VPS13D: variants seen among roughly 807,000 people sequenced by gnomAD.
VPS13D encodes intermembrane lipid transfer protein VPS13D.
A neutral mutation model predicts 461.9 loss-of-function variants in VPS13D; 187 were observed. The observed-to-expected ratio is 0.40, with a 90% CI of 0.36 to 0.46. The LOEUF (loss-of-function observed/expected upper bound fraction) is 0.46. Ranked by LOEUF, VPS13D falls within the 20% of genes least tolerant of loss-of-function variation. The pLI is 0.60. For missense variants in VPS13D, 4,711 were observed against 5,364.9 expected, an observed-to-expected ratio of 0.88 and a Z score of 3.81; for synonymous variants, 1,951 against 1,986.3, an observed-to-expected ratio of 0.98 and a Z score of 0.47.
intron 50 of VPS13D, among the ~76,000 whole-genome samples, chr1:12,361,766 G>A (rs1485685557): frequency 1.3e-5 from 2 of 152,072 alleles, no homozygotes; most frequent in Non-Finnish European, 2.9e-5. Flanking sequence ...ATTTGGAACC[G>A]GCTGTCTTGA....
At chr1:12,280,820 C>G (rs1641755137) in intron 20 of VPS13D, among the ~76,000 whole-genome samples, 1 of 151,998 alleles carries the variant, frequency 6.6e-6, no homozygotes, top group Non-Finnish European at 1.5e-5. Context: ...TTACCATTGA[C>G]TTAACTGTTG....
intron 26 of VPS13D, among the ~76,000 whole-genome samples, chr1:12,307,124 C>T (rs1642588305): frequency 6.6e-6 from 1 of 152,062 alleles, no homozygotes; most frequent in African/African-American, 2.4e-5. Context: ...TTTCAGTGCC[C>T]ACGTAATGCC....
chr1:12,373,764 C>A lies in VPS13D; in HGVS notation c.10823C>A (p.Thr3608Lys), dbSNP rs1570034686. 1 of 1,512,120 alleles carries A rather than the reference C, an allele frequency of 6.6e-7. No homozygotes were observed. 93.7% of individuals were successfully genotyped at this position (1,512,120 alleles called of 1,614,324 possible). ...TYTFSGLQEG[T>K]GRPVASNKAI... ...TTAAATTCTAGCTTGCAGGAGGGAACAGGCAGGCCTGTGGCTTCCAACAAG... is the reference window on the plus strand; with the variant it reads ...TTAAATTCTAGCTTGCAGGAGGGAAAAGGCAGGCCTGTGGCTTCCAACAAG... The change falls in exon 55 of 70, where the codon ACA becomes AAA. Residue 3608 changes from threonine to lysine, a missense_variant. Thr to Lys is a moderately conservative substitution (Grantham distance 78). This residue lies in a region of VPS13D where 4,411 missense variants were observed against 4,937.8 expected (regional missense o/e 0.89). Coordinates refer to ENST00000620676, the MANE Select transcript of VPS13D (RefSeq NM_015378.4).
intron 21 of VPS13D, among the ~76,000 whole-genome samples, chr1:12,284,042 G>A (rs953369023): frequency 1.3e-5 from 2 of 152,148 alleles, no homozygotes; most frequent in African/African-American, 4.8e-5. Context: ...CATCTAAGAT[G>A]ACTAAATGAG....
In VPS13D at chr1:12,279,743, T is replaced by G; in HGVS notation, c.4602+93T>G. 2.7e-6 allele frequency: 3 copies of G among 1,129,542 alleles called. No individual in the cohort carries two copies. The highest frequency in any genetic ancestry group is 3.5e-6 in the Non-Finnish European group (3 of 846,200). 70.0% of individuals were successfully genotyped at this position (1,129,542 alleles called of 1,614,324 possible). A position where few individuals can be genotyped will look rare whatever the true frequency, so the allele number is the denominator to read the frequency against. On this transcript the variant is annotated intron_variant, in intron 20 of 69. Coordinates refer to ENST00000620676, the MANE Select transcript of VPS13D (RefSeq NM_015378.4). This position sits in a 1 kb window ranked among gnomAD's most constrained non-coding sequence, Gnocchi z 4.3. ...TATGTATATTACATGTTGGAAGGAA[T>G]ATATATTTTCAAAGATATATCACCC...
At chr1:12,504,187 T>C (rs1004799076) in intron 68 of VPS13D, among the ~76,000 whole-genome samples, 1 of 152,000 alleles carries the variant, frequency 6.6e-6, no homozygotes, top group African/African-American at 2.4e-5. Context: ...ATAATAACGA[T>C]GATGATGCAA....
chr1:12,473,242 T>A lies in VPS13D; in HGVS notation c.12662+12846T>A, dbSNP rs533359210. ...CACTCCAAGGGCAAGAGGTCTTTCTTCAAAGAGAAGCGCTTGTTTCAGAAA... is the reference window on the plus strand; with the variant it reads ...CACTCCAAGGGCAAGAGGTCTTTCTACAAAGAGAAGCGCTTGTTTCAGAAA... On this transcript the variant is annotated intron_variant, in intron 67 of 69. Coordinates refer to ENST00000620676, the MANE Select transcript of VPS13D (RefSeq NM_015378.4). This position sits in a 1 kb window ranked among gnomAD's most constrained non-coding sequence, Gnocchi z 4.2. 6.6e-6 allele frequency among the ~76,000 whole-genome samples: 1 copy of A among 152,332 alleles called. No homozygotes were observed. Among genetic ancestry groups the A allele is most frequent in the Non-Finnish European group, 1.5e-5 (1 of 68,028 alleles).
chr1:12,287,195 G>T (rs961926753), intron 21 of VPS13D, among the ~76,000 whole-genome samples: 3 of 152,070 alleles, frequency 2.0e-5, no homozygotes, highest in Admixed American at 6.6e-5. Flanking sequence ...TGATGATCTC[G>T]CCTTGAGATT....
In VPS13D at chr1:12,505,306, CTG is replaced by C. The variant is rs1646090791; in HGVS notation, c.12795-1545_12795-1544del. On this transcript the variant is annotated intron_variant, in intron 68 of 69. Coordinates refer to ENST00000620676, the MANE Select transcript of VPS13D (RefSeq NM_015378.4). This position sits in a 1 kb window ranked among gnomAD's most constrained non-coding sequence, Gnocchi z 4.2. ...CAGCTATTTCAGATTCCATTCAACT[CTG>C]TTCAGTGATGCTGCCGCTCTCAATG... is the stretch of plus-strand genomic sequence containing the variant. 1.3e-5 allele frequency among the ~76,000 whole-genome samples: 2 copies of C among 152,338 alleles called. No homozygotes were observed. Among genetic ancestry groups the C allele is most frequent in the South Asian group, 4.1e-4 (2 of 4,826 alleles).
chr1:12,441,126 A>G (rs1355596257), intron 65 of VPS13D, among the ~76,000 whole-genome samples: 4 of 152,066 alleles, frequency 2.6e-5, no homozygotes, highest in Non-Finnish European at 4.4e-5. Flanking sequence ...GGGTTTCGCC[A>G]TGTTGACCAG....
chr1:12,313,263 A>G (rs1056562970), intron 29 of VPS13D, among the ~76,000 whole-genome samples: 3 of 141,548 alleles, frequency 2.1e-5, no homozygotes, highest in South Asian at 2.2e-4. Context: ...GTGGTCCCAC[A>G]TTGGTGGTCT....
At position 12,277,689 on chromosome 1, in the gene VPS13D, G is replaced by A. The variant is rs751099523; in HGVS notation, c.4101G>A (p.Ser1367=). ...ENEIYGFDLA[S]SHLDTVKLIL... is the part of the protein sequence containing the mutation. ...AAATATATGGGTTTGACCTAGCTTC[G>A]TCTCATTTGGACACTGTAAAGCTAA... is the stretch of plus-strand genomic sequence containing the variant. Residue 1367 remains serine, a synonymous_variant, in exon 19 of 70, where the codon TCG becomes TCA. Transcript: ENST00000620676. 19 of 1,614,032 alleles carry A rather than the reference G, an allele frequency of 1.2e-5. No homozygotes were observed. The highest frequency in any genetic ancestry group is 2.2e-5 in the East Asian group (1 of 44,906).
At chr1:12,500,272 T>G (rs1036801423) in intron 68 of VPS13D, 3 of 959,138 alleles carry the variant, frequency 3.1e-6, no homozygotes, top group Non-Finnish European at 3.7e-6. Flanking sequence ...ATTAATCATA[T>G]ATTCCTCTGA....
intron 61 of VPS13D, 105 bp downstream of exon 61, chr1:12,400,435 G>C: frequency 1.5e-6 from 2 of 1,366,990 alleles, no homozygotes; most frequent in Non-Finnish European, 2.0e-6. Flanking sequence ...GATGGGAATA[G>C]CTCTGCAGGG....
Position 12,488,387 on chromosome 1 carries a change from A to G in VPS13D, c.12663-9113A>G, listed in dbSNP as rs185383381. Among the ~76,000 whole-genome samples the G allele has an allele frequency of 2.6e-5, 4 of 152,318 alleles. No individual in the cohort carries two copies. In the East Asian group the frequency reaches 7.7e-4, roughly 29 times the overall value. On this transcript the variant is annotated intron_variant, in intron 67 of 69. Transcript: ENST00000620676. ...AATCTGAGGCTAAGAACAATCTAGT[A>G]ACTTCTTCAGTGTCACCCAGCTAAT...
chr1:12,411,452 G>A (rs1644727080), intron 63 of VPS13D, among the ~76,000 whole-genome samples: 1 of 151,120 alleles, frequency 6.6e-6, no homozygotes, highest in South Asian at 2.1e-4. Context: ...GGGCATCATA[G>A]GGAGACCCTG....
chr1:12,492,450 C>G (rs1645895630), intron 67 of VPS13D, among the ~76,000 whole-genome samples: 2 of 152,360 alleles, frequency 1.3e-5, no homozygotes, highest in Admixed American at 1.3e-4. Flanking sequence ...ATTTCACATG[C>G]TCAGTAGCCA....
At chr1:12,236,409 T>C (rs1247722552) in intron 2 of VPS13D, among the ~76,000 whole-genome samples, 1 of 151,892 alleles carries the variant, frequency 6.6e-6, no homozygotes, top group East Asian at 1.9e-4. Context: ...GAGACAGGGT[T>C]TCTTTCTGTC....
Position 12,511,229 on chromosome 1 carries a change from A to T in VPS13D, c.*2205A>T, listed in dbSNP as rs1384724826. 6.6e-6 allele frequency: 1 copy of T among 151,992 alleles called. No homozygotes were observed. The highest frequency in any genetic ancestry group is 1.5e-5 in the Non-Finnish European group (1 of 67,994). The allele number at this position is 151,992 out of a possible 1,614,324, so 9.4% of individuals were successfully genotyped here. A position where few individuals can be genotyped will look rare whatever the true frequency, so the allele number is the denominator to read the frequency against. ...ATCTCCTGTGATTGCACAACCAAGCACTTTGACATTTGCACCTTAGGAGAG... is the reference window on the plus strand; with the variant it reads ...ATCTCCTGTGATTGCACAACCAAGCTCTTTGACATTTGCACCTTAGGAGAG... On this transcript the variant is annotated 3_prime_UTR_variant, in exon 70 of 70. Transcript: ENST00000620676. The surrounding 1 kb of genome is among the most constrained non-coding windows in gnomAD (Gnocchi z 4.5).
Sources: gnomAD v4.1 joint callset for allele counts (sites outside exome capture counted in the v4.1 genomes callset) on GRCh38, gnomAD v4.1.1 for gene constraint, gnomAD v4.1.1 regional missense constraint, Gnocchi (gnomAD v3.1) non-coding constraint, MANE v1.5 for transcripts, NCBI Gene and HGNC (gene_info 2026-07-23, HGNC 2026-07-21) for gene names.